Variants in ACAP2 observed in about 807,000 individuals in gnomAD.
The protein encoded by ACAP2 is arf-GAP with coiled-coil, ANK repeat and PH domain-containing protein 2.
In ACAP2, 39 loss-of-function variants were observed where a neutral mutation model predicts 115.8. That is an observed-to-expected ratio of 0.34 (90% confidence interval 0.26 to 0.44). ACAP2 has a LOEUF of 0.44. Ranked by LOEUF, ACAP2 falls within the 20% of genes least tolerant of loss-of-function variation. The probability of loss-of-function intolerance (pLI) is 1.00; values close to 1 mark genes in which losing one functional copy is unlikely to be tolerated. For synonymous variants in ACAP2, 289 were observed against 315.8 expected (o/e 0.92, Z 0.90); for missense variants, 662 against 927.6 (o/e 0.71, Z 3.72).
At chr3:195,356,016 A>C in intron 4 of ACAP2, 1 of 441,160 alleles carries the variant, frequency 2.3e-6, no homozygotes, top group Non-Finnish European at 4.6e-6. Flanking sequence ...ACAACCACCT[A>C]CACAAAAAGC....
chr3:195,311,656 TCTCCTGAGTAGCTGGGATTACAGG>T (rs372479711), intron 10 of ACAP2, among the ~76,000 whole-genome samples: 3,278 of 151,602 alleles, frequency 0.022, 116 homozygotes, highest in East Asian at 0.1. Flanking sequence ...CCTGCCTCAG[TCTCCTGAGTAGCTGGGATTACAGG>T]CATGCACCAC....
At chr3:195,296,674 T>A (rs1727675003) in intron 16 of ACAP2, among the ~76,000 whole-genome samples, 1 of 152,180 alleles carries the variant, frequency 6.6e-6, no homozygotes, top group Non-Finnish European at 1.5e-5. Context: ...GCCCTCCTTA[T>A]ACAGAATTGG....
chr3:195,396,110 G>A (rs1226542959), intron 1 of ACAP2, among the ~76,000 whole-genome samples: 3 of 151,944 alleles, frequency 2.0e-5, no homozygotes, highest in Admixed American at 6.6e-5. Context: ...CATTAGCCAG[G>A]CGTGGTGGCA....
intron 12 of ACAP2, 129 bp from the exon 13 acceptor site, chr3:195,306,745 G>T (rs1172188622): frequency 3.1e-6 from 2 of 640,260 alleles, no homozygotes. Flanking sequence ...TTTGTTGAAA[G>T]AAGGTTTTAT....
chr3:195,315,635 A>G (rs1381655560), intron 10 of ACAP2, among the ~76,000 whole-genome samples: 1 of 152,152 alleles, frequency 6.6e-6, no homozygotes, highest in East Asian at 1.9e-4. Flanking sequence ...AAAAGTGACT[A>G]TGTCTCTGAA....
chr3:195,366,657 G>T (rs1414118956), intron 4 of ACAP2, among the ~76,000 whole-genome samples: 2 of 152,126 alleles, frequency 1.3e-5, no homozygotes, highest in Non-Finnish European at 2.9e-5. Context: ...AATGACATGG[G>T]GAGCCTTAAA....
intron 17 of ACAP2, chr3:195,295,112 C>T (rs1394764166): frequency 1.4e-6 from 1 of 689,888 alleles, no homozygotes; most frequent in Non-Finnish European, 2.1e-6. Flanking sequence ...AATTCTGAGA[C>T]AATGGGTAAC....
chr3:195,342,472 T>C lies in ACAP2; in HGVS notation c.527A>G (p.Gln176Arg), dbSNP rs1464364400. 6.3e-7 allele frequency: 1 copy of C among 1,598,180 alleles called. No individual in the cohort carries two copies. The highest frequency in any genetic ancestry group is 8.5e-7 in the Non-Finnish European group (1 of 1,175,872). Residue 176 changes from glutamine to arginine, a missense_variant and splice_region_variant, in exon 6 of 23, where the codon CAG becomes CGG. By Grantham distance (43) the Gln-to-Arg change is conservative. Coordinates refer to ENST00000326793, the MANE Select transcript of ACAP2 (RefSeq NM_012287.6). ...FRHIALDYVL[Q>R]INVLQSKRRS... ...CATACACAGTAAGAAACTATATACCTGAAGCACATAATCGAGGGCTATGTG... is the reference window on the plus strand; with the variant it reads ...CATACACAGTAAGAAACTATATACCCGAAGCACATAATCGAGGGCTATGTG...
chr3:195,366,023 GT>G (rs1417598968), intron 4 of ACAP2, among the ~76,000 whole-genome samples: 1 of 151,980 alleles, frequency 6.6e-6, no homozygotes, highest in African/African-American at 2.4e-5. Context: ...TGTATTTTTA[GT>G]AGAGATGGGG....
At chr3:195,366,831 A>G (rs1006740178) in intron 4 of ACAP2, among the ~76,000 whole-genome samples, 1 of 152,194 alleles carries the variant, frequency 6.6e-6, no homozygotes, top group Non-Finnish European at 1.5e-5. Context: ...TGGCAGATAC[A>G]GTCTCCGTAA....
At chr3:195,368,213 G>A (rs910272013) in intron 4 of ACAP2, among the ~76,000 whole-genome samples, 2 of 152,066 alleles carry the variant, frequency 1.3e-5, no homozygotes, top group Non-Finnish European at 2.9e-5. Flanking sequence ...GCAGTGGCTC[G>A]ATCTCAGCTC....
rs539598045 is a variant in ACAP2 at position 195,291,814 on chromosome 3, C to A, written c.1955G>T (p.Gly652Val). Residue 652 changes from glycine (G) to valine (V), a missense_variant and splice_region_variant, in exon 20 of 23, where the codon GGC becomes GTC. Gly to Val is a moderately radical substitution (Grantham distance 109). Around this residue, in one of 3 missense-constraint regions of ACAP2, gnomAD observed 128 missense variants for 200.2 expected, o/e 0.64. Transcript: ENST00000326793. ...GAGGAACTCACACGTCACCAAAGAG[C>A]CCTTAAAGGAAAAAAGAGGATAACT... is the stretch of plus-strand genomic sequence containing the variant. Reference protein sequence around the residue: ...ATPLIQAVLGGSLVTCEFLLQ... With the variant: ...ATPLIQAVLGVSLVTCEFLLQ... 1.9e-6 allele frequency: 3 copies of A among 1,604,850 alleles called. No homozygotes were observed. The highest frequency in any genetic ancestry group is 1.7e-5 in the Admixed American group (1 of 57,604).
rs778806103 is a variant in ACAP2 at position 195,298,367 on chromosome 3, G to A, written c.1396-1086C>T. The stretch of plus-strand genomic sequence containing the variant: ...ACGTCCCAGGTTCAAGTGATTCTCC[G>A]GCCTCAACCTCCCGAGTAACTGGGA... On this transcript the variant is annotated intron_variant, in intron 15 of 22. Transcript: ENST00000326793. Among the ~76,000 whole-genome samples, 61 of 149,630 alleles carry A rather than the reference G, an allele frequency of 4.1e-4. No homozygotes were observed. In the Middle Eastern group the frequency reaches 0.018, roughly 43 times the overall value.
At chr3:195,416,342 CAAAA>C (rs796780762) in intron 1 of ACAP2, among the ~76,000 whole-genome samples, 2 of 110,324 alleles carry the variant, frequency 1.8e-5, no homozygotes, top group African/African-American at 3.3e-5. Flanking sequence ...AAGACGCCGT[CAAAA>C]AAAAAAAAAA....
intron 5 of ACAP2, among the ~76,000 whole-genome samples, chr3:195,344,903 A>G (rs1369612308): frequency 6.6e-6 from 1 of 152,234 alleles, no homozygotes; most frequent in Non-Finnish European, 1.5e-5. Context: ...AACAATGGAA[A>G]ACACAGTTTC....
chr3:195,325,691 A>C (rs1729747848), intron 9 of ACAP2, among the ~76,000 whole-genome samples: 1 of 152,150 alleles, frequency 6.6e-6, no homozygotes, highest in South Asian at 2.1e-4. Context: ...GGAAATATTC[A>C]GATAGTTCTA....
intron 2 of ACAP2, among the ~76,000 whole-genome samples, chr3:195,382,358 C>T (rs1430236269): frequency 6.6e-6 from 1 of 151,594 alleles, no homozygotes; most frequent in East Asian, 1.9e-4. Flanking sequence ...AGTGATTAAT[C>T]AACCATGTAT....
chr3:195,339,634 T>C (rs2108643624), intron 6 of ACAP2, among the ~76,000 whole-genome samples: 1 of 151,926 alleles, frequency 6.6e-6, no homozygotes. Flanking sequence ...TAGACATAAA[T>C]GAAATAAAGG....
In ACAP2 at chr3:195,285,551, G is replaced by C. The variant is rs1054360849; in HGVS notation, c.2236+245C>G. Reference sequence around the variant, plus strand: ...AGAAGTCAGCAGCCAGAGTGAAATAGAGCAAGTCAATGTGTACTGTCATAG... The same window carrying C: ...AGAAGTCAGCAGCCAGAGTGAAATACAGCAAGTCAATGTGTACTGTCATAG... On this transcript the variant is annotated intron_variant, in intron 22 of 22. Coordinates refer to ENST00000326793, the MANE Select transcript of ACAP2 (RefSeq NM_012287.6). The C allele has an allele frequency of 1.2e-5, 5 of 403,118 alleles. No homozygotes were observed. In the East Asian group the frequency reaches 1.9e-4, roughly 16 times the overall value. The allele number at this position is 403,118 out of a possible 1,614,324, so 25.0% of individuals were successfully genotyped here.
Sources: allele counts gnomAD v4.1 joint callset (sites outside exome capture counted in the v4.1 genomes callset), GRCh38; gene constraint gnomAD v4.1.1; regional missense constraint gnomAD v4.1.1; transcripts MANE v1.5; gene names NCBI Gene and HGNC (gene_info 2026-07-23, HGNC 2026-07-21).